Variants in RAB8B observed in about 807,000 individuals in gnomAD.
RAB8B encodes RAB8B, member RAS oncogene family.
RAB8B carries 11 observed loss-of-function variants against 32.0 expected under a neutral mutation model. That is an observed-to-expected ratio of 0.34 (90% confidence interval 0.22 to 0.57). RAB8B has a LOEUF of 0.57. RAB8B is among the 20% of genes least tolerant of loss of function. RAB8B has a pLI of 0.86. For synonymous variants in RAB8B, 103 were observed against 89.6 expected (o/e 1.15, Z -0.85); for missense variants, 190 against 258.5 (o/e 0.73, Z 1.82).
chr15:63,206,951 A>G (rs2037702930), intron 1 of RAB8B, among the ~76,000 whole-genome samples: 1 of 151,918 alleles, frequency 6.6e-6, no homozygotes, highest in Non-Finnish European at 1.5e-5. Context: ...TCTCATCAGC[A>G]TTTCACACTG....
intron 1 of RAB8B, among the ~76,000 whole-genome samples, chr15:63,219,448 C>CTT (rs568968975): frequency 7.0e-6 from 1 of 143,608 alleles, no homozygotes; most frequent in African/African-American, 2.6e-5. Flanking sequence ...TCCAGACCAA[C>CTT]TTTTTTTTTT....
chr15:63,231,341 T>C (rs1252607037), intron 1 of RAB8B, among the ~76,000 whole-genome samples: 1 of 152,236 alleles, frequency 6.6e-6, no homozygotes, highest in Non-Finnish European at 1.5e-5. Flanking sequence ...TGGTCAATAC[T>C]TGGAAAGAGC....
At chr15:63,207,086 GA>G (rs1166564773) in intron 1 of RAB8B, among the ~76,000 whole-genome samples, 11 of 152,238 alleles carry the variant, frequency 7.2e-5, no homozygotes, top group South Asian at 2.1e-4. Context: ...CCTTTTAATG[GA>G]AGTCACTTCC....
chr15:63,260,018 A>G (rs1244035167), intron 6 of RAB8B, among the ~76,000 whole-genome samples: 1 of 152,132 alleles, frequency 6.6e-6, no homozygotes, highest in Non-Finnish European at 1.5e-5. Context: ...TATTTTTAGT[A>G]GAAACGGGGT....
intron 1 of RAB8B, among the ~76,000 whole-genome samples, chr15:63,216,835 G>T (rs2037796468): frequency 6.6e-6 from 1 of 150,666 alleles, no homozygotes; most frequent in South Asian, 2.1e-4. Context: ...ACTCCAGCCT[G>T]GGTGACAGAG....
intron 1 of RAB8B, among the ~76,000 whole-genome samples, chr15:63,212,233 C>G (rs192282373): frequency 1.3e-5 from 2 of 152,074 alleles, no homozygotes; most frequent in African/African-American, 4.8e-5. Context: ...TGAACTAGTT[C>G]GCAGCAAAAA....
intron 1 of RAB8B, among the ~76,000 whole-genome samples, chr15:63,192,281 G>A (rs2037562255): frequency 6.6e-6 from 1 of 152,204 alleles, no homozygotes; most frequent in African/African-American, 2.4e-5. Context: ...GGGAAAATAA[G>A]GTGAATGTTA....
At chr15:63,253,719 G>C (rs1453312598) in intron 3 of RAB8B, among the ~76,000 whole-genome samples, 1 of 152,146 alleles carries the variant, frequency 6.6e-6, no homozygotes, top group Non-Finnish European at 1.5e-5. Flanking sequence ...AAGATGATGG[G>C]AATCCAGGTA....
intron 5 of RAB8B, among the ~76,000 whole-genome samples, chr15:63,258,210 T>G (rs2038174359): frequency 6.6e-6 from 1 of 151,816 alleles, no homozygotes; most frequent in African/African-American, 2.4e-5. Context: ...CAAGCGATTC[T>G]CCTGTCTCAG....
At chr15:63,244,530 A>G (rs1386203151) in intron 1 of RAB8B, among the ~76,000 whole-genome samples, 1 of 152,206 alleles carries the variant, frequency 6.6e-6, no homozygotes, top group Non-Finnish European at 1.5e-5. Flanking sequence ...CAGAATAATG[A>G]GGCATATAAT....
In RAB8B at chr15:63,240,684, A is replaced by C. The variant is rs571745558; in HGVS notation, c.125-4072A>C. Among the ~76,000 whole-genome samples the C allele has an allele frequency of 6.8e-4, 103 of 152,196 alleles. 1 individual carries two copies. Among genetic ancestry groups the C allele is most frequent in the African/African-American group, 2.4e-3 (99 of 41,542 alleles). On this transcript the variant is annotated intron_variant, in intron 1 of 7. Coordinates refer to ENST00000321437, the MANE Select transcript of RAB8B (RefSeq NM_016530.3). ...GTTGGCCCTTGACAACAGCATAAGC[A>C]AAAGCTAAATGCCATAGTTCACAGC...
Position 63,214,067 on chromosome 15 carries a change from C to T in RAB8B, c.124+24319C>T, listed in dbSNP as rs570002600. ...CTGCACTCCAGCCTGGGTGACAGAG[C>T]GAGACTCTGTCTCAGGGGAAAAAAA... is the stretch of plus-strand genomic sequence containing the variant. On this transcript the variant is annotated intron_variant, in intron 1 of 7. Coordinates refer to ENST00000321437, the MANE Select transcript of RAB8B (RefSeq NM_016530.3). 4.2e-4 allele frequency among the ~76,000 whole-genome samples: 63 copies of T among 149,994 alleles called. No individual in the cohort carries two copies. In the South Asian group the frequency reaches 9.2e-3, roughly 22 times the overall value.
Position 63,259,831 on chromosome 15 carries a change from G to T in RAB8B, c.480+139G>T. On this transcript the variant is annotated intron_variant, in intron 6 of 7. Transcript: ENST00000321437. This position sits in a 1 kb window ranked among gnomAD's most constrained non-coding sequence, Gnocchi z 4.4. The stretch of plus-strand genomic sequence containing the variant: ...ACCCAACTCTACTTTGTACACTTTT[G>T]TGCTTCTGATTTTTTTTTTTTTGAG... The T allele has an allele frequency of 5.5e-6, 4 of 729,008 alleles. No homozygotes were observed. Among genetic ancestry groups the T allele is most frequent in the Non-Finnish European group, 6.7e-6 (3 of 450,058 alleles). The allele number at this position is 729,008 out of a possible 1,614,324, so 45.2% of individuals were successfully genotyped here. A position where few individuals can be genotyped will look rare whatever the true frequency, so the allele number is the denominator to read the frequency against.
intron 1 of RAB8B, among the ~76,000 whole-genome samples, chr15:63,212,848 A>G (rs1447117865): frequency 6.6e-6 from 1 of 152,262 alleles, no homozygotes; most frequent in Non-Finnish European, 1.5e-5. Flanking sequence ...GTGATTATAT[A>G]TTCCCATAGT....
At chr15:63,237,321 A>T (rs538780730) in intron 1 of RAB8B, among the ~76,000 whole-genome samples, 3 of 152,244 alleles carry the variant, frequency 2.0e-5, no homozygotes, top group Non-Finnish European at 4.4e-5. Context: ...ACTGTTCTCC[A>T]TAGTGGCTGT....
rs150731935 is a variant in RAB8B at position 63,208,963 on chromosome 15, G to C, written c.124+19215G>C. 3.8e-4 allele frequency among the ~76,000 whole-genome samples: 57 copies of C among 149,326 alleles called. No homozygotes were observed. The East Asian group carries it at 8.7e-3, about 23-fold the overall frequency. On this transcript the variant is annotated intron_variant, in intron 1 of 7. Coordinates refer to ENST00000321437, the MANE Select transcript of RAB8B (RefSeq NM_016530.3). ...GCTGGATTGCAGTGATGGAATCTCA[G>C]CTCACTGCAACCTCCACCTCCTGGG...
chr15:63,227,227 T>C (rs2037896021), intron 1 of RAB8B, among the ~76,000 whole-genome samples: 1 of 152,196 alleles, frequency 6.6e-6, no homozygotes, highest in Non-Finnish European at 1.5e-5. Flanking sequence ...AAGATGGAGT[T>C]GCTCTGGTTC....
intron 5 of RAB8B, among the ~76,000 whole-genome samples, chr15:63,257,291 G>C (rs1229429226): frequency 7.1e-6 from 1 of 139,978 alleles, no homozygotes; most frequent in African/African-American, 2.7e-5. Context: ...ACAAAGTCTT[G>C]CTCTGTCTCC....
At chr15:63,263,165 G>A (rs1444407) in intron 7 of RAB8B, among the ~76,000 whole-genome samples, 138,159 of 152,220 alleles carry the variant, frequency 0.91, 63,799 homozygotes, top group East Asian at 1. Flanking sequence ...CGTACCTTAT[G>A]CTACTAACTC....
Sources: allele counts gnomAD v4.1 joint callset (sites outside exome capture counted in the v4.1 genomes callset), GRCh38; gene constraint gnomAD v4.1.1; non-coding constraint Gnocchi (gnomAD v3.1); transcripts MANE v1.5; gene names NCBI Gene and HGNC (gene_info 2026-07-23, HGNC 2026-07-21).